The following ART3 variants were observed in gnomAD, a reference collection of about 807,000 sequenced individuals.
ART3 encodes ecto-ADP-ribosyltransferase 3.
In ART3, 49 loss-of-function variants were observed where a neutral mutation model predicts 48.5. That is an observed-to-expected ratio of 1.01 (90% confidence interval 0.80 to 1.28). The LOEUF (loss-of-function observed/expected upper bound fraction) is 1.28, where lower values mean the gene tolerates loss of function less well. Among genes scored for constraint, ART3 ranks in the 50% most tolerant of loss-of-function variants. The pLI, the probability that ART3 is intolerant of heterozygous loss-of-function variation, is 0.00. For synonymous variants in ART3, 145 were observed against 157.2 expected, an observed-to-expected ratio of 0.92 and a Z score of 0.58; for missense variants, 438 against 454.3, an observed-to-expected ratio of 0.96 and a Z score of 0.33.
chr4:76,036,933 T>C (rs1006432543), intron 1 of ART3: 8 of 193,422 alleles, frequency 4.1e-5, no homozygotes, highest in Admixed American at 1.7e-4. Flanking sequence ...CACACACCTC[T>C]GGGATCATGT....
At chr4:76,077,134 T>G (rs1721277690) in intron 2 of ART3, among the ~76,000 whole-genome samples, 1 of 152,194 alleles carries the variant, frequency 6.6e-6, no homozygotes, top group African/African-American at 2.4e-5. Context: ...TTGCAAAACA[T>G]TTCCGTCAAC....
intron 1 of ART3, among the ~76,000 whole-genome samples, chr4:76,029,198 C>A (rs1190103805): frequency 6.6e-6 from 1 of 152,050 alleles, no homozygotes; most frequent in African/African-American, 2.4e-5. Flanking sequence ...TTCAGTAGTG[C>A]CTGTTATTCC....
At chr4:76,100,111 C>T (rs1023356698) in intron 5 of ART3, among the ~76,000 whole-genome samples, 180 bp from the exon 6 acceptor site, 1 of 152,140 alleles carries the variant, frequency 6.6e-6, no homozygotes, top group Non-Finnish European at 1.5e-5. Context: ...TGTTCCAGCT[C>T]ATTAGCCAAG....
intron 1 of ART3, among the ~76,000 whole-genome samples, chr4:76,044,173 A>T (rs773496479): frequency 6.6e-6 from 1 of 152,056 alleles, no homozygotes; most frequent in Non-Finnish European, 1.5e-5. Context: ...CATGGGACCT[A>T]GAAAGGGGAG....
chr4:76,042,524 C>T (rs936048892), intron 1 of ART3, among the ~76,000 whole-genome samples: 10 of 152,146 alleles, frequency 6.6e-5, no homozygotes, highest in African/African-American at 2.2e-4. Flanking sequence ...ATCCTAAACT[C>T]TTAAAAGTGT....
chr4:76,041,317 C>A (rs1458330776), intron 1 of ART3: 1 of 152,128 alleles, frequency 6.6e-6, no homozygotes, highest in Admixed American at 6.6e-5. Flanking sequence ...CCTGAGAGAT[C>A]CCTATTTTTT....
At chr4:76,030,463 T>G (rs549469411) in intron 1 of ART3, among the ~76,000 whole-genome samples, 1 of 152,350 alleles carries the variant, frequency 6.6e-6, no homozygotes, top group South Asian at 2.1e-4. Context: ...GTAGCCCTTC[T>G]TCTTTTTATG....
intron 1 of ART3, among the ~76,000 whole-genome samples, chr4:76,036,580 CTG>C (rs1734434473): frequency 2.6e-5 from 4 of 151,908 alleles, no homozygotes; most frequent in Admixed American, 2.6e-4. Context: ...AGAAGTTTCC[CTG>C]TGTTTCTGTA....
At chr4:76,081,446 C>T (rs2149552448) in intron 2 of ART3, among the ~76,000 whole-genome samples, 1 of 152,322 alleles carries the variant, frequency 6.6e-6, no homozygotes, top group Non-Finnish European at 1.5e-5. Flanking sequence ...GCATATGATA[C>T]TTCAAATTCC....
intron 1 of ART3, among the ~76,000 whole-genome samples, chr4:76,029,751 C>A (rs565950059): frequency 7.9e-4 from 120 of 152,294 alleles, no homozygotes; most frequent in Admixed American, 1.4e-3. Context: ...TAAGTATAAT[C>A]TTTCCTTTTC....
chr4:76,072,206 A>G (rs1056386677), upstream of ART3, among the ~76,000 whole-genome samples: 15 of 152,224 alleles, frequency 9.9e-5, no homozygotes, highest in African/African-American at 3.4e-4. Context: ...TTAACTGTAT[A>G]ATAAATTGAT....
intron 11 of ART3, among the ~76,000 whole-genome samples, chr4:76,108,460 T>G (rs13139234): frequency 0.57 from 86,180 of 151,954 alleles, 25,757 homozygotes; most frequent in East Asian, 0.98. Flanking sequence ...CAGTACATTT[T>G]AAAGTTGTGC....
chr4:76,059,997 A>G (rs1560604053), intron 1 of ART3, among the ~76,000 whole-genome samples: 1 of 152,186 alleles, frequency 6.6e-6, no homozygotes, highest in Non-Finnish European at 1.5e-5. Context: ...TAGATGTCAA[A>G]TGGTAAGGGT....
chr4:76,012,001 C>A (rs895021418), intron 1 of ART3: 1 of 152,186 alleles, frequency 6.6e-6, no homozygotes, highest in African/African-American at 2.4e-5. Flanking sequence ...CAAAGATGAT[C>A]TAGAGTTGAA....
At chr4:76,069,869 C>G (rs1246764038), upstream of ART3, among the ~76,000 whole-genome samples, 3 of 151,562 alleles carry the variant, frequency 2.0e-5, no homozygotes, top group Non-Finnish European at 4.4e-5. Context: ...CATTTGTGCA[C>G]AAGTGATTGT....
chr4:76,099,690 A>T (rs1481513408), intron 5 of ART3: 1 of 153,448 alleles, frequency 6.5e-6, no homozygotes, highest in Non-Finnish European at 1.5e-5. Context: ...CTTGATGTTT[A>T]CTATGATTTA....
intron 1 of ART3, among the ~76,000 whole-genome samples, chr4:76,056,103 G>T (rs537422926): frequency 6.6e-6 from 1 of 152,134 alleles, no homozygotes; most frequent in Non-Finnish European, 1.5e-5. Flanking sequence ...TTAAGACTTC[G>T]GTGACAGTGC....
intron 1 of ART3, among the ~76,000 whole-genome samples, chr4:76,016,587 G>C (rs1294408108): frequency 6.6e-6 from 1 of 152,234 alleles, no homozygotes; most frequent in Middle Eastern, 3.4e-3. Flanking sequence ...TACCATCTGT[G>C]TTTGCTCAAG....
At position 76,062,577 on chromosome 4, in the gene ART3, T is replaced by TTTTC. The variant is rs1333964208; in HGVS notation, c.-9-13303_-9-13302insTTCT. On this transcript the variant is annotated intron_variant, in intron 1 of 9. Transcript: ENST00000341029. Reference sequence around the variant, plus strand: ...AATAAATCTTTTTTTTTTTTTTTTTTTGAGACAGAGTCTCGCTCTGTTGCC... The same window carrying TTTTC: ...AATAAATCTTTTTTTTTTTTTTTTTTTTTCTGAGACAGAGTCTCGCTCTGTTGCC... 2.2e-3 allele frequency among the ~76,000 whole-genome samples: 330 copies of TTTTC among 150,348 alleles called. 3 individuals are homozygous for TTTTC. Among genetic ancestry groups the TTTTC allele is most frequent in the African/African-American group, 7.7e-3 (314 of 40,626 alleles).
Sources: gnomAD v4.1 joint callset for allele counts (sites outside exome capture counted in the v4.1 genomes callset) on GRCh38, gnomAD v4.1.1 for gene constraint, MANE v1.5 for transcripts, NCBI Gene and HGNC (gene_info 2026-07-23, HGNC 2026-07-21) for gene names.